Variants in DET1 observed in about 807,000 individuals in gnomAD.
DET1 encodes the protein DET1 homolog.
Under a neutral mutation model 43.7 loss-of-function variants are expected in DET1, and 22 were observed. That is an observed-to-expected ratio of 0.50 (90% CI 0.36 to 0.72). The LOEUF is 0.72. DET1 is among the 30% of genes least tolerant of loss of function. The pLI, the probability that DET1 is intolerant of heterozygous loss-of-function variation, is 0.00. For synonymous variants in DET1, 315 were observed against 266.2 expected, an observed-to-expected ratio of 1.18 and a Z score of -1.79; for missense variants, 713 against 713.3, an observed-to-expected ratio of 1.00 and a Z score of 0.00.
Position 88,513,145 on chromosome 15 carries a change from A to G in DET1, c.1464-5T>C. 1.2e-6 allele frequency: 2 copies of G among 1,605,080 alleles called. No individual in the cohort carries two copies. Among genetic ancestry groups the G allele is most frequent in the Non-Finnish European group, 1.7e-6 (2 of 1,175,238 alleles). On this transcript the variant is annotated splice_region_variant and splice_polypyrimidine_tract_variant and intron_variant, in intron 4 of 4. Coordinates refer to ENST00000268148, the MANE Select transcript of DET1 (RefSeq NM_001144074.3). ...CCCGAGTCCCGGGCATAGAACCTAAAAAGAACAAGGACAGAGACAGAGAAA... is the reference window on the plus strand; with the variant it reads ...CCCGAGTCCCGGGCATAGAACCTAAGAAGAACAAGGACAGAGACAGAGAAA...
chr15:88,530,985 C>G lies in DET1; in HGVS notation c.721G>C (p.Val241Leu). The change falls in exon 2 of 5, where the codon GTC (valine) becomes CTC (leucine). Residue 241 changes from valine (V) to leucine (L), a missense_variant. By Grantham distance (32) the Val-to-Leu change is conservative (BLOSUM62 1). Transcript: ENST00000268148. ...ILSVQQQTIH[V>L]FQVTPEGTFI... ...GTGCCTTCAGGAGTCACCTGGAAGA[C>G]ATGGATGGTCTGTTGTTGCACAGAC... The G allele has an allele frequency of 6.2e-7, 1 of 1,613,836 alleles. No homozygotes were observed. Among genetic ancestry groups the G allele is most frequent in the Non-Finnish European group, 8.5e-7 (1 of 1,179,812 alleles).
downstream of DET1, among the ~76,000 whole-genome samples, chr15:88,507,675 C>T (rs1385254625): frequency 6.6e-6 from 1 of 152,202 alleles, no homozygotes; most frequent in Non-Finnish European, 1.5e-5. Context: ...TTGAGGATGT[C>T]AGTGAAGTAA....
Position 88,530,634 on chromosome 15 carries a change from C to G in DET1, c.1072G>C (p.Asp358His), listed in dbSNP as rs1234245487. The G allele has an allele frequency of 6.2e-7, 1 of 1,604,320 alleles. No individual in the cohort carries two copies. The highest frequency in any genetic ancestry group is 1.3e-5 in the African/African-American group (1 of 74,778). The part of the protein sequence containing the change: ...SEDVVTLRVT[D>H]PSQASFFVVY... The stretch of plus-strand genomic sequence containing the variant: ...AGTGTACCTCATACCTGTGATGGAT[C>G]TGTGACTCGCAGTGTTACTACATCC... The change falls in exon 2 of 5, where the codon GAT (aspartate) becomes CAT (histidine). Residue 358 changes from aspartate (D) to histidine (H), a missense_variant. Transcript: ENST00000268148.
At position 88,516,095 on chromosome 15, in the gene DET1, T is replaced by C. The variant is rs2056337884; in HGVS notation, c.1463+687A>G. 6.6e-6 allele frequency among the ~76,000 whole-genome samples: 1 copy of C among 152,208 alleles called. No individual in the cohort carries two copies. Among genetic ancestry groups the C allele is most frequent in the Non-Finnish European group, 1.5e-5 (1 of 68,028 alleles). ...ATAAAGATCTAACTACCACTGTTTC[T>C]GTGTGAAAAAGACCTTCCAAGCTCC... On this transcript the variant is annotated intron_variant, in intron 4 of 4. Coordinates refer to ENST00000268148, the MANE Select transcript of DET1 (RefSeq NM_001144074.3). The surrounding 1 kb of genome is among the most constrained non-coding windows in gnomAD (Gnocchi z 4.4).
At chr15:88,502,384 C>G (rs1166742448) in intron 8 of DET1, 1 of 152,150 alleles carries the variant, frequency 6.6e-6, no homozygotes, top group Non-Finnish European at 1.5e-5. Flanking sequence ...AAGAGACAGT[C>G]TGTCTCTCTT....
intron 1 of DET1, among the ~76,000 whole-genome samples, chr15:88,536,945 A>C (rs2056968823): frequency 6.6e-6 from 1 of 152,166 alleles, no homozygotes. Context: ...ACTGGAAAGC[A>C]GGGGAGCGAT....
At chr15:88,506,982 G>A (rs1772593776) in intron 7 of DET1, among the ~76,000 whole-genome samples, 1 of 152,200 alleles carries the variant, frequency 6.6e-6, no homozygotes, top group African/African-American at 2.4e-5. Context: ...CATTTGTGGA[G>A]AGAAGACACT....
At chr15:88,528,247 G>A (rs187672185) in intron 2 of DET1, among the ~76,000 whole-genome samples, 144 of 152,308 alleles carry the variant, frequency 9.5e-4, no homozygotes, top group African/African-American at 3.3e-3. Context: ...GCAGCCTGGA[G>A]CTGCCTGTTG....
chr15:88,531,700 A>G lies in DET1; in HGVS notation c.6T>C (p.Asp2=), dbSNP rs544019435. The G allele has an allele frequency of 1.6e-4, 264 of 1,604,598 alleles. 4 individuals are homozygous for G. In the South Asian group the frequency reaches 2.8e-3, roughly 17 times the overall value. M[D]HHVSTIKPRR... ...GAGGCTTGATGGTAGAAACATGATG[A>G]TCCATTATCACATCTCTAAACAGAA... The change falls in exon 2 of 5, where the codon GAT becomes GAC. Residue 2 remains aspartate, a synonymous_variant. Coordinates refer to ENST00000268148, the MANE Select transcript of DET1 (RefSeq NM_001144074.3). This position sits in a 1 kb window ranked among gnomAD's most constrained non-coding sequence, Gnocchi z 6.2.
chr15:88,505,528 T>A (rs2056131583), intron 7 of DET1: 1 of 152,208 alleles, frequency 6.6e-6, no homozygotes, highest in South Asian at 2.1e-4. Context: ...TTTGAAGGCA[T>A]CTTAAAAAGC....
Position 88,530,758 on chromosome 15 carries a change from C to G in DET1, c.948G>C (p.Lys316Asn). 6.2e-7 allele frequency: 1 copy of G among 1,613,964 alleles called. No homozygotes were observed. Among genetic ancestry groups the G allele is most frequent in the Non-Finnish European group, 8.5e-7 (1 of 1,179,854 alleles). Reference protein sequence around the residue: ...RAEQDGSAMAKRRFFQYFDQL... With the variant: ...RAEQDGSAMANRRFFQYFDQL... ...GGTCAAAATACTGGAAGAAGCGCCT[C>G]TTGGCCATTGCACTACCATCCTGTT... The change falls in exon 2 of 5, where the codon AAG becomes AAC. Residue 316 changes from lysine (K) to asparagine (N), a missense_variant. Physicochemically the swap from Lys to Asn is moderately conservative, Grantham distance 94. Transcript: ENST00000268148.
At chr15:88,542,856 G>T (rs937777372) in intron 1 of DET1, among the ~76,000 whole-genome samples, 2 of 152,142 alleles carry the variant, frequency 1.3e-5, no homozygotes, top group Non-Finnish European at 2.9e-5. Flanking sequence ...CCTATTGCAA[G>T]CAGACTAGGC....
In DET1 at chr15:88,504,940, A is replaced by C. The variant is rs1478611479; in HGVS notation, c.*2066-953T>G. The C allele has an allele frequency of 1.3e-5, 2 of 152,148 alleles. No homozygotes were observed. Among genetic ancestry groups the C allele is most frequent in the African/African-American group, 2.4e-5 (1 of 41,418 alleles). 9.4% of individuals were successfully genotyped at this position (152,148 alleles called of 1,614,324 possible). A position where few individuals can be genotyped will look rare whatever the true frequency, so the allele number is the denominator to read the frequency against. On this transcript the variant is annotated intron_variant and NMD_transcript_variant, in intron 7 of 8. Coordinates refer to the DET1 transcript ENST00000557842. The surrounding 1 kb of genome is among the most constrained non-coding windows in gnomAD (Gnocchi z 4.7). Reference sequence around the variant, plus strand: ...TTTCTAGGGACCTATGCGTATAACAAATTTCTTTCTTCATGACAGTCATTT... The same window carrying C: ...TTTCTAGGGACCTATGCGTATAACACATTTCTTTCTTCATGACAGTCATTT...
chr15:88,540,487 A>G (rs1278294420), intron 1 of DET1, among the ~76,000 whole-genome samples: 1 of 151,680 alleles, frequency 6.6e-6, no homozygotes, highest in Non-Finnish European at 1.5e-5. Context: ...AATGGGAAAC[A>G]CTTCCTCCCA....
rs556398964 is a variant in DET1 at position 88,527,263 on chromosome 15, T to A, written c.1271+336A>T. 3.9e-5 allele frequency among the ~76,000 whole-genome samples: 6 copies of A among 152,332 alleles called. No homozygotes were observed. In the South Asian group the frequency reaches 6.2e-4, roughly 16 times the overall value. On this transcript the variant is annotated intron_variant, in intron 3 of 4. Transcript: ENST00000268148. Reference sequence around the variant, plus strand: ...AAGATAAATACATGTGTTCAACATATCATGTTTAACCAAAAGTTTCTAAAA... The same window carrying A: ...AAGATAAATACATGTGTTCAACATAACATGTTTAACCAAAAGTTTCTAAAA...
chr15:88,529,449 TG>T (rs1347575148), intron 2 of DET1, among the ~76,000 whole-genome samples: 2 of 152,170 alleles, frequency 1.3e-5, no homozygotes, highest in African/African-American at 2.4e-5. Flanking sequence ...GATTGCTCAA[TG>T]GGTGACTTCA....
At chr15:88,542,773 G>A (rs1371471852) in intron 1 of DET1, among the ~76,000 whole-genome samples, 1 of 152,138 alleles carries the variant, frequency 6.6e-6, no homozygotes, top group East Asian at 1.9e-4. Context: ...CAGAAAAAAT[G>A]GCCAAGGAAC....
chr15:88,539,995 C>G (rs1427772233), intron 1 of DET1, among the ~76,000 whole-genome samples: 1 of 152,030 alleles, frequency 6.6e-6, no homozygotes, highest in Non-Finnish European at 1.5e-5. Flanking sequence ...TAGACTCCTA[C>G]TCTGTTCCCC....
At chr15:88,527,908 CA>C in intron 2 of DET1, 122 bp from the exon 3 acceptor site, 1 of 587,314 alleles carries the variant, frequency 1.7e-6, no homozygotes, top group Non-Finnish European at 2.7e-6. Flanking sequence ...ACAACAACAA[CA>C]ACAACAACAA....
Sources: allele counts gnomAD v4.1 joint callset (sites outside exome capture counted in the v4.1 genomes callset), GRCh38; gene constraint gnomAD v4.1.1; non-coding constraint Gnocchi (gnomAD v3.1); transcripts MANE v1.5; gene names NCBI Gene and HGNC (gene_info 2026-07-23, HGNC 2026-07-21).